ZNF540: variants seen among roughly 807,000 people sequenced by gnomAD.
The protein encoded by ZNF540 is zinc finger protein 540, also known as CTD-3064H18.6.
Under a neutral mutation model 11.8 loss-of-function variants are expected in ZNF540, and 3 were observed. The ratio of observed to expected loss-of-function variants is 0.25; its 90% CI spans 0.12 to 0.65. The LOEUF (loss-of-function observed/expected upper bound fraction) is 0.65, where lower values mean the gene tolerates loss of function less well. Ranked by LOEUF, ZNF540 falls within the 30% of genes least tolerant of loss-of-function variation. The pLI, the probability that ZNF540 is intolerant of heterozygous loss-of-function variation, is 0.83. For synonymous variants in ZNF540, 247 were observed against 259.0 expected, an observed-to-expected ratio of 0.95 and a Z score of 0.45; for missense variants, 709 against 793.1, an observed-to-expected ratio of 0.89 and a Z score of 1.27.
At chr19:37,582,267 C>T (rs970415779) in intron 1 of ZNF540, among the ~76,000 whole-genome samples, 2 of 152,192 alleles carry the variant, frequency 1.3e-5, no homozygotes, top group Non-Finnish European at 2.9e-5. Context: ...GTCACCAACA[C>T]CCTTCATCCT....
chr19:37,569,625 C>A lies in ZNF540; in HGVS notation c.-73+17960C>A, dbSNP rs2042988002. 6.6e-6 allele frequency among the ~76,000 whole-genome samples: 1 copy of A among 152,238 alleles called. No individual in the cohort carries two copies. The highest frequency in any genetic ancestry group is 1.9e-4 in the East Asian group (1 of 5,170). Reference sequence around the variant, plus strand: ...TGCTTATAACCTACTAGGTTGTATTCATAACCTCTAGCAGGTTCTGCCCGG... The same window carrying A: ...TGCTTATAACCTACTAGGTTGTATTAATAACCTCTAGCAGGTTCTGCCCGG... On this transcript the variant is annotated intron_variant, in intron 1 of 4. Coordinates refer to the ZNF540 transcript ENST00000592533. The surrounding 1 kb of genome is among the most constrained non-coding windows in gnomAD (Gnocchi z 4.4).
intron 1 of ZNF540, chr19:37,564,433 G>A: frequency 2.0e-6 from 1 of 494,510 alleles, no homozygotes; most frequent in Middle Eastern, 5.6e-4. Flanking sequence ...CGTTTATAGA[G>A]ATGTTAAGGA....
At position 37,569,043 on chromosome 19, in the gene ZNF540, G is replaced by A. The variant is rs1297553827; in HGVS notation, c.-73+17378G>A. 2.0e-5 allele frequency among the ~76,000 whole-genome samples: 3 copies of A among 151,574 alleles called. No individual in the cohort carries two copies. Among genetic ancestry groups the A allele is most frequent in the Non-Finnish European group, 4.4e-5 (3 of 67,916 alleles). On this transcript the variant is annotated intron_variant, in intron 1 of 4. Transcript: ENST00000592533. The surrounding 1 kb of genome is among the most constrained non-coding windows in gnomAD (Gnocchi z 4.4). ...GCCATCTCAGCTCACTGCAACCTCC[G>A]CCTCCAGGTTCAAGCAATTCTGCCT...
chr19:37,600,220 A>AT (rs899613820), intron 3 of ZNF540, among the ~76,000 whole-genome samples: 1 of 152,154 alleles, frequency 6.6e-6, no homozygotes, highest in African/African-American at 2.4e-5. Flanking sequence ...CCTAAAACAA[A>AT]TATTTTCTCT....
At chr19:37,552,884 T>A (rs1229471982) in intron 1 of ZNF540, among the ~76,000 whole-genome samples, 1 of 151,768 alleles carries the variant, frequency 6.6e-6, no homozygotes, top group Non-Finnish European at 1.5e-5. Flanking sequence ...GAGGTAGAGG[T>A]TGCAGTGAGC....
chr19:37,590,630 G>A (rs1678731170), upstream of ZNF540, among the ~76,000 whole-genome samples: 1 of 152,148 alleles, frequency 6.6e-6, no homozygotes, highest in African/African-American at 2.4e-5. Context: ...AGGTAGTTCA[G>A]AAGTATATAT....
intron 1 of ZNF540, among the ~76,000 whole-genome samples, chr19:37,582,627 C>T (rs2043511840): frequency 6.6e-6 from 1 of 152,202 alleles, no homozygotes; most frequent in Admixed American, 6.5e-5. Flanking sequence ...TATCTAACTT[C>T]ACCACACAGA....
At chr19:37,567,531 T>G (rs2042902800) in intron 1 of ZNF540, 1 of 152,214 alleles carries the variant, frequency 6.6e-6, no homozygotes, top group African/African-American at 2.4e-5. Flanking sequence ...AGCCTCAAAT[T>G]GAGCCACTAC....
chr19:37,582,660 CG>C (rs1431670536), intron 1 of ZNF540, among the ~76,000 whole-genome samples: 2 of 152,172 alleles, frequency 1.3e-5, no homozygotes, highest in Non-Finnish European at 2.9e-5. Context: ...ATATCAAATA[CG>C]TAACTCTTGA....
chr19:37,581,977 T>C (rs1317411367), intron 1 of ZNF540, among the ~76,000 whole-genome samples: 2 of 152,130 alleles, frequency 1.3e-5, no homozygotes, highest in Non-Finnish European at 2.9e-5. Flanking sequence ...CTTCCTAAAT[T>C]TGTTCCATGG....
chr19:37,585,231 G>T (rs1005246551), intron 1 of ZNF540: 1 of 152,114 alleles, frequency 6.6e-6, no homozygotes, highest in Non-Finnish European at 1.5e-5. Context: ...CAGAATAAAG[G>T]CCCCCCAAAC....
At chr19:37,578,068 C>T (rs751660589) in intron 1 of ZNF540, among the ~76,000 whole-genome samples, 2 of 152,146 alleles carry the variant, frequency 1.3e-5, no homozygotes, top group African/African-American at 2.4e-5. Context: ...ATCTAGGTTG[C>T]GGGCTCCTTA....
chr19:37,572,021 G>GGC, intron 1 of ZNF540, among the ~76,000 whole-genome samples: 1 of 9,950 alleles, frequency 1.0e-4, no homozygotes, highest in African/African-American at 4.9e-4. Context: ...GCCATAATTA[G>GGC]TACATTAGTC....
chr19:37,600,121 G>T (rs889251449), intron 3 of ZNF540, among the ~76,000 whole-genome samples: 17 of 152,182 alleles, frequency 1.1e-4, no homozygotes, highest in Admixed American at 2.0e-4. Flanking sequence ...TGCCTATAAG[G>T]ATAACAGCCC....
intron 1 of ZNF540, among the ~76,000 whole-genome samples, chr19:37,578,588 T>G (rs1395023981): frequency 6.6e-6 from 1 of 152,222 alleles, no homozygotes; most frequent in African/African-American, 2.4e-5. Flanking sequence ...GTCACAGTGC[T>G]GAGGGGCGGT....
chr19:37,605,005 G>T (rs1445943772), intron 4 of ZNF540, among the ~76,000 whole-genome samples: 1 of 152,178 alleles, frequency 6.6e-6, no homozygotes, highest in Non-Finnish European at 1.5e-5. Context: ...TTTCATATCT[G>T]CTTATTAGTT....
At chr19:37,598,922 G>A (rs1005587941) in intron 2 of ZNF540, among the ~76,000 whole-genome samples, 2 of 152,114 alleles carry the variant, frequency 1.3e-5, no homozygotes, top group African/African-American at 4.8e-5. Flanking sequence ...ATAGTAAGAC[G>A]CATTTTGTGG....
At chr19:37,578,900 G>A (rs944824280) in intron 1 of ZNF540, among the ~76,000 whole-genome samples, 13 of 152,190 alleles carry the variant, frequency 8.5e-5, no homozygotes, top group African/African-American at 3.1e-4. Flanking sequence ...ATAACACTTG[G>A]CACCTCTGTA....
rs199892724 is a variant in ZNF540, at chr19:37,561,048, C to CAAAA, written c.-73+9406_-73+9409dup. Among the ~76,000 whole-genome samples the CAAAA allele has an allele frequency of 1.6e-3, 116 of 73,600 alleles. 1 individual carries two copies. The highest frequency in any genetic ancestry group is 2.0e-3 in the Non-Finnish European group (65 of 32,608). The allele number at this position is 73,600 out of a possible 152,430, so 48.3% of individuals were successfully genotyped here. ...GCAACAAAATAAGACCCTGTCTCTA[C>CAAAA]AAAAAAAAAAAAAAAAAAAAAAAAA... On this transcript the variant is annotated intron_variant, in intron 1 of 4. Transcript: ENST00000592533.
Sources: allele counts gnomAD v4.1 joint callset (sites outside exome capture counted in the v4.1 genomes callset), GRCh38; gene constraint gnomAD v4.1.1; non-coding constraint Gnocchi (gnomAD v3.1); transcripts MANE v1.5; gene names NCBI Gene and HGNC (gene_info 2026-07-23, HGNC 2026-07-21).